The following CASD1 variants were observed in gnomAD, a reference collection of about 807,000 sequenced individuals.
The protein encoded by CASD1 is CAS1 domain sialic acid O acetyltransferase 1.
CASD1 carries 41 observed loss-of-function variants against 100.0 expected under a neutral mutation model. The observed-to-expected ratio is 0.41, with a 90% CI of 0.32 to 0.53. The LOEUF (loss-of-function observed/expected upper bound fraction) is 0.53. Ranked by LOEUF, CASD1 falls within the 20% of genes least tolerant of loss-of-function variation. CASD1 has a pLI of 0.25. For missense variants in CASD1, 774 were observed against 948.7 expected, an observed-to-expected ratio of 0.82 and a Z score of 2.42; for synonymous variants, 321 against 315.6, an observed-to-expected ratio of 1.02 and a Z score of -0.18.
chr7:94,623,375 G>C, the CASD1 span: 6 of 1,605,680 alleles, frequency 3.7e-6, no homozygotes, highest in Admixed American at 8.4e-5. Flanking sequence ...AGTCTCAAAG[G>C]TGCGCCTGTT....
At chr7:94,524,645 C>G (rs1410719224) in intron 3 of CASD1, among the ~76,000 whole-genome samples, 1 of 152,056 alleles carries the variant, frequency 6.6e-6, no homozygotes, top group East Asian at 1.9e-4. Context: ...TAGGGAAATT[C>G]TTACTCTTTT....
At chr7:94,527,613 A>G (rs1022382060) in intron 4 of CASD1, among the ~76,000 whole-genome samples, 2 of 152,222 alleles carry the variant, frequency 1.3e-5, no homozygotes, top group African/African-American at 2.4e-5. Context: ...GTGCAGAGCA[A>G]GGAATTGAAA....
chr7:94,614,386 A>G, the CASD1 span, among the ~76,000 whole-genome samples: 4 of 152,176 alleles, frequency 2.6e-5, no homozygotes, highest in African/African-American at 7.2e-5. Flanking sequence ...CAAAAATTTT[A>G]GTATCAACCA....
chr7:94,555,829 A>C lies in CASD1; in HGVS notation c.*71A>C, dbSNP rs1213927693. On this transcript the variant is annotated 3_prime_UTR_variant, in exon 18 of 18. Coordinates refer to ENST00000297273, the MANE Select transcript of CASD1 (RefSeq NM_022900.5). ...GTGTCTCTAGAAGAGAAAAGCATCTATCTGGAGATATAAATGTGTATGTAA... is the reference window on the plus strand; with the variant it reads ...GTGTCTCTAGAAGAGAAAAGCATCTCTCTGGAGATATAAATGTGTATGTAA... The C allele has an allele frequency of 4.2e-6, 6 of 1,421,510 alleles. No homozygotes were observed. The East Asian group carries it at 1.4e-4, about 32-fold the overall frequency. The allele number at this position is 1,421,510 out of a possible 1,614,324, so 88.1% of individuals were successfully genotyped here.
chr7:94,560,122 T>A (rs1348894589), downstream of CASD1, among the ~76,000 whole-genome samples: 2 of 152,222 alleles, frequency 1.3e-5, no homozygotes, highest in African/African-American at 4.8e-5. Flanking sequence ...TTGTTTTGTT[T>A]TTAACAAGTC....
the CASD1 span, among the ~76,000 whole-genome samples, chr7:94,564,879 A>C: frequency 6.6e-6 from 1 of 152,104 alleles, no homozygotes; most frequent in African/African-American, 2.4e-5. Flanking sequence ...TTGTCATTGC[A>C]TTGCAGGGTT....
At chr7:94,577,740 G>A in the CASD1 span, among the ~76,000 whole-genome samples, 1 of 152,090 alleles carries the variant, frequency 6.6e-6, no homozygotes, top group African/African-American at 2.4e-5. Flanking sequence ...ACAATTTTAG[G>A]CAGCTGGAAA....
At chr7:94,618,777 T>C in the CASD1 span, 1 of 1,613,972 alleles carries the variant, frequency 6.2e-7, no homozygotes, top group Non-Finnish European at 8.5e-7. Context: ...AGGTCATTAA[T>C]GGGAAGTGGC....
rs1424342243 is a variant in CASD1, at chr7:94,533,669, T to C, written c.505-10T>C. The stretch of plus-strand genomic sequence containing the variant: ...TACTAAATTAATGCATAATTTGTAC[T>C]TCTTTTTAGTGGTCCATCAAGATTC... On this transcript the variant is annotated splice_polypyrimidine_tract_variant and intron_variant, in intron 6 of 17. Transcript: ENST00000297273. 6.3e-7 allele frequency: 1 copy of C among 1,582,808 alleles called. No individual in the cohort carries two copies. Among genetic ancestry groups the C allele is most frequent in the Admixed American group, 1.9e-5 (1 of 54,038 alleles).
chr7:94,607,403 C>T, the CASD1 span, among the ~76,000 whole-genome samples: 2 of 152,114 alleles, frequency 1.3e-5, no homozygotes, highest in African/African-American at 4.8e-5. Context: ...CAAAAATCCT[C>T]AACAAAATAT....
At chr7:94,552,879 G>A (rs1796016594) in intron 16 of CASD1, among the ~76,000 whole-genome samples, 1 of 152,158 alleles carries the variant, frequency 6.6e-6, no homozygotes, top group African/African-American at 2.4e-5. Flanking sequence ...GGAGGTTGCA[G>A]TGACCTGAGA....
intron 11 of CASD1, among the ~76,000 whole-genome samples, chr7:94,544,854 AT>A (rs1296274065): frequency 1.3e-5 from 2 of 152,112 alleles, no homozygotes; most frequent in Non-Finnish European, 2.9e-5. Flanking sequence ...GAGGATGAAT[AT>A]TAATTAAGTT....
At chr7:94,579,518 G>A in the CASD1 span, among the ~76,000 whole-genome samples, 3 of 152,242 alleles carry the variant, frequency 2.0e-5, no homozygotes, top group East Asian at 5.8e-4. Flanking sequence ...AATAAAATTT[G>A]TACAAAAATA....
intron 13 of CASD1, among the ~76,000 whole-genome samples, chr7:94,549,139 T>C (rs529048682): frequency 2.0e-5 from 3 of 152,120 alleles, no homozygotes; most frequent in Admixed American, 1.3e-4. Context: ...AAATATTTTG[T>C]ATTTTTCTGT....
At chr7:94,599,571 C>G in the CASD1 span, 1 of 799,186 alleles carries the variant, frequency 1.3e-6, no homozygotes. Flanking sequence ...GCAGCTTTCA[C>G]ATTTATGAAA....
At chr7:94,624,490 C>T in the CASD1 span, 1 of 333,850 alleles carries the variant, frequency 3.0e-6, no homozygotes, top group Non-Finnish European at 5.4e-6. Context: ...ACCTCTCTCT[C>T]CAGGATTTGC....
the CASD1 span, among the ~76,000 whole-genome samples, chr7:94,590,290 C>G: frequency 6.6e-6 from 1 of 152,080 alleles, no homozygotes; most frequent in Non-Finnish European, 1.5e-5. Flanking sequence ...AAAAAAATCT[C>G]AAGAACCACC....
chr7:94,545,190 A>G (rs1795616315), intron 11 of CASD1, among the ~76,000 whole-genome samples: 1 of 152,168 alleles, frequency 6.6e-6, no homozygotes, highest in Non-Finnish European at 1.5e-5. Context: ...TTAAACAAAG[A>G]TGAAATGGAC....
chr7:94,588,372 C>G, the CASD1 span: 2 of 1,142,964 alleles, frequency 1.7e-6, no homozygotes, highest in Non-Finnish European at 2.2e-6. Context: ...TGCATCCAAG[C>G]TAAGAATCTT....
Sources: allele counts gnomAD v4.1 joint callset (sites outside exome capture counted in the v4.1 genomes callset), GRCh38; gene constraint gnomAD v4.1.1; transcripts MANE v1.5; gene names NCBI Gene and HGNC (gene_info 2026-07-23, HGNC 2026-07-21).